The following ARHGAP39 variants were observed in gnomAD, a reference collection of about 807,000 sequenced individuals.
The protein encoded by ARHGAP39 is Rho GTPase activating protein 39.
A neutral mutation model predicts 106.9 loss-of-function variants in ARHGAP39; 44 were observed. The observed-to-expected ratio is 0.41, with a 90% CI of 0.32 to 0.53. The LOEUF is 0.53. Ranked by LOEUF, ARHGAP39 falls within the 20% of genes least tolerant of loss-of-function variation. ARHGAP39 has a pLI of 0.21. For synonymous variants in ARHGAP39, 768 were observed against 693.2 expected, an observed-to-expected ratio of 1.11 and a Z score of -1.69; for missense variants, 1,496 against 1,577.3, an observed-to-expected ratio of 0.95 and a Z score of 0.87.
intron 2 of ARHGAP39, among the ~76,000 whole-genome samples, chr8:144,603,701 A>T (rs933531203): frequency 6.6e-6 from 1 of 151,908 alleles, no homozygotes; most frequent in Non-Finnish European, 1.5e-5. Flanking sequence ...AAAAAAAAAA[A>T]AAAAGAGGCC....
chr8:144,540,507 A>G (rs537684885), intron 6 of ARHGAP39, among the ~76,000 whole-genome samples: 12 of 152,240 alleles, frequency 7.9e-5, no homozygotes, highest in Non-Finnish European at 1.2e-4. Context: ...TTGCTAGTAT[A>G]TAGAAATATG....
At chr8:144,557,046 T>G (rs113498176) in intron 3 of ARHGAP39, among the ~76,000 whole-genome samples, 1 of 143,284 alleles carries the variant, frequency 7.0e-6, no homozygotes, top group South Asian at 2.1e-4. Flanking sequence ...TGAACCTTCA[T>G]AGTATTCAGC....
At chr8:144,561,981 G>A (rs1283964424) in intron 3 of ARHGAP39, among the ~76,000 whole-genome samples, 1 of 131,368 alleles carries the variant, frequency 7.6e-6, no homozygotes, top group Non-Finnish European at 1.6e-5. Context: ...GTTTCCATCG[G>A]ACCCCAGTGG....
intron 3 of ARHGAP39, among the ~76,000 whole-genome samples, chr8:144,559,692 A>G (rs891467406): frequency 6.6e-6 from 1 of 152,214 alleles, no homozygotes; most frequent in African/African-American, 2.4e-5. Context: ...TGGGATCGGA[A>G]GAGTTTTGGA....
At chr8:144,574,764 T>G (rs1586568491) in intron 3 of ARHGAP39, among the ~76,000 whole-genome samples, 1 of 152,166 alleles carries the variant, frequency 6.6e-6, no homozygotes, top group African/African-American at 2.4e-5. Flanking sequence ...GAGGCTGAGG[T>G]AGGATTGCTT....
chr8:144,647,324 G>A lies in ARHGAP39; in HGVS notation c.-82+38362C>T, dbSNP rs117602751. ...GCCCCAGTAAGAGCAGGGAAGGGAC[G>A]AACAGCCCATCCTCACATGAAACCC... On this transcript the variant is annotated intron_variant, in intron 1 of 11. Coordinates refer to ENST00000377307, the MANE Select transcript of ARHGAP39 (RefSeq NM_025251.3). The surrounding 1 kb of genome is among the most constrained non-coding windows in gnomAD (Gnocchi z 4.8). 0.019 allele frequency among the ~76,000 whole-genome samples: 2,910 copies of A among 152,162 alleles called. 41 individuals are homozygous for A. Among genetic ancestry groups the A allele is most frequent in the Non-Finnish European group, 0.03 (2,065 of 67,960 alleles).
chr8:144,601,587 GGT>G (rs1301631979), intron 2 of ARHGAP39, among the ~76,000 whole-genome samples: 10 of 127,738 alleles, frequency 7.8e-5, no homozygotes, highest in Non-Finnish European at 9.8e-5. Context: ...TGTGCGTGGA[GGT>G]GTGTGTGCGA....
intron 1 of ARHGAP39, among the ~76,000 whole-genome samples, chr8:144,608,181 A>AAAAAAAAAAAAAAAAAAAAAAT (rs1243780533): frequency 6.8e-6 from 1 of 146,324 alleles, no homozygotes; most frequent in African/African-American, 2.6e-5. Context: ...AAAAAAAAAA[A>AAAAAAAAAAAAAAAAAAAAAAT]GGAAAAAGAA....
intron 3 of ARHGAP39, among the ~76,000 whole-genome samples, chr8:144,572,706 G>A (rs983663994): frequency 6.6e-5 from 10 of 152,118 alleles, no homozygotes; most frequent in African/African-American, 2.4e-4. Context: ...CAGAATGGGA[G>A]AAAATTTTTG....
chr8:144,648,133 A>C (rs997485875), intron 1 of ARHGAP39, among the ~76,000 whole-genome samples: 6 of 152,126 alleles, frequency 3.9e-5, no homozygotes, highest in African/African-American at 1.4e-4. Context: ...CCATGCTATA[A>C]CATCCACAAG....
chr8:144,552,444 G>A lies in ARHGAP39; in HGVS notation c.596+3116C>T, dbSNP rs564671044. On this transcript the variant is annotated intron_variant, in intron 4 of 11. Transcript: ENST00000377307. ...CGCAGGTTTCCGAGGAAAACGCTCC[G>A]CCAGAGTCCCTAAATACAGACACAG... is the stretch of plus-strand genomic sequence containing the variant. 6.6e-5 allele frequency among the ~76,000 whole-genome samples: 10 copies of A among 152,354 alleles called. No individual in the cohort carries two copies. The South Asian group carries it at 1.4e-3, about 22-fold the overall frequency.
At chr8:144,619,186 CT>C (rs1307339305) in intron 1 of ARHGAP39, among the ~76,000 whole-genome samples, 2 of 152,256 alleles carry the variant, frequency 1.3e-5, no homozygotes, top group Non-Finnish European at 2.9e-5. Context: ...CACGCCGAAT[CT>C]GGAACAGAGG....
At chr8:144,571,562 C>T (rs1356431900) in intron 3 of ARHGAP39, among the ~76,000 whole-genome samples, 1 of 152,162 alleles carries the variant, frequency 6.6e-6, no homozygotes, top group Non-Finnish European at 1.5e-5. Flanking sequence ...TGGAAGCATT[C>T]CCTTTGAAAA....
the ARHGAP39 span, among the ~76,000 whole-genome samples, chr8:144,691,471 G>A: frequency 6.6e-6 from 1 of 152,202 alleles, no homozygotes; most frequent in African/African-American, 2.4e-5. Context: ...GCGAAAGTGA[G>A]ACTTTTAATG....
chr8:144,654,059 A>C (rs1400866022), intron 1 of ARHGAP39, among the ~76,000 whole-genome samples: 1 of 152,242 alleles, frequency 6.6e-6, no homozygotes, highest in East Asian at 1.9e-4. Flanking sequence ...CGAAGGTGGC[A>C]AATGGAATTA....
chr8:144,584,570 C>T (rs911451374), intron 2 of ARHGAP39, among the ~76,000 whole-genome samples: 1 of 152,112 alleles, frequency 6.6e-6, no homozygotes, highest in South Asian at 2.1e-4. Context: ...TGAGATCAGC[C>T]TGGTCAACAT....
At chr8:144,596,697 T>C (rs1271349473) in intron 2 of ARHGAP39, among the ~76,000 whole-genome samples, 1 of 152,132 alleles carries the variant, frequency 6.6e-6, no homozygotes, top group African/African-American at 2.4e-5. Context: ...AAGCATCCAG[T>C]GCTGCAGGCC....
intron 3 of ARHGAP39, among the ~76,000 whole-genome samples, chr8:144,556,113 G>A (rs979009758): frequency 6.6e-5 from 10 of 151,900 alleles, no homozygotes; most frequent in African/African-American, 2.2e-4. Context: ...GTGAAACCCC[G>A]TCTCTACTAA....
chr8:144,578,624 T>C (rs1818854636), intron 3 of ARHGAP39, among the ~76,000 whole-genome samples: 1 of 152,094 alleles, frequency 6.6e-6, no homozygotes. Flanking sequence ...TAGGTGGGCA[T>C]ACTGCCTGGG....
Sources: gnomAD v4.1 joint callset for allele counts (sites outside exome capture counted in the v4.1 genomes callset) on GRCh38, gnomAD v4.1.1 for gene constraint, Gnocchi (gnomAD v3.1) non-coding constraint, MANE v1.5 for transcripts, NCBI Gene and HGNC (gene_info 2026-07-23, HGNC 2026-07-21) for gene names.